Variants in LPP observed in about 807,000 individuals in gnomAD.
LPP encodes the protein lipoma-preferred partner.
A neutral mutation model predicts 60.4 loss-of-function variants in LPP; 38 were observed. The ratio of observed to expected loss-of-function variants is 0.63; its 90% confidence interval spans 0.49 to 0.83. LPP has a LOEUF of 0.83. LPP is among the 40% of genes least tolerant of loss of function. LPP has a pLI of 0.00. For synonymous variants in LPP, 328 were observed against 290.8 expected (o/e 1.13, Z -1.30); for missense variants, 902 against 783.6 (o/e 1.15, Z -1.80).
At chr3:188,223,704 G>C (rs1223098346) in intron 1 of LPP, among the ~76,000 whole-genome samples, 1 of 152,180 alleles carries the variant, frequency 6.6e-6, no homozygotes, top group Admixed American at 6.5e-5. Context: ...CTTTGCTGCT[G>C]TTGTAGAAAC....
At chr3:188,708,742 C>T (rs1423192159) in intron 8 of LPP, 1 of 352,488 alleles carries the variant, frequency 2.8e-6, no homozygotes. Flanking sequence ...CCTGCAGTCC[C>T]AGCTACTCAG....
In LPP at chr3:188,163,504, C is replaced by T. The variant is rs140520934; in HGVS notation, c.-190+9252C>T. On this transcript the variant is annotated intron_variant, in intron 1 of 11. Transcript: ENST00000617246. Reference sequence around the variant, plus strand: ...TTTTACTCTCATAGGTGTCCTGATTCGGAGGATACGTTATATGGTCACCCT... The same window carrying T: ...TTTTACTCTCATAGGTGTCCTGATTTGGAGGATACGTTATATGGTCACCCT... Among the ~76,000 whole-genome samples, 763 of 152,184 alleles carry T rather than the reference C, an allele frequency of 5.0e-3. 9 individuals are homozygous for T. The highest frequency in any genetic ancestry group is 0.017 in the African/African-American group (713 of 41,508).
chr3:188,333,394 T>C (rs1313074396), intron 2 of LPP, among the ~76,000 whole-genome samples: 1 of 152,232 alleles, frequency 6.6e-6, no homozygotes, highest in East Asian at 1.9e-4. Context: ...ACTCTGTGCC[T>C]TAGCTTTGTC....
chr3:188,763,286 T>C (rs1423347730), intron 9 of LPP, among the ~76,000 whole-genome samples: 1 of 151,924 alleles, frequency 6.6e-6, no homozygotes, highest in Non-Finnish European at 1.5e-5. Flanking sequence ...ATGAGAATAT[T>C]CAAGATAGTG....
intron 9 of LPP, among the ~76,000 whole-genome samples, chr3:188,839,723 C>G (rs773438335): frequency 2.0e-5 from 3 of 151,574 alleles, no homozygotes; most frequent in Non-Finnish European, 4.4e-5. Flanking sequence ...AAAAAAAATA[C>G]AAAAATTAAC....
chr3:188,763,749 T>C (rs904282486), intron 9 of LPP, among the ~76,000 whole-genome samples: 3 of 152,156 alleles, frequency 2.0e-5, no homozygotes, highest in African/African-American at 7.2e-5. Flanking sequence ...TCAAAATGTA[T>C]TGTGTGTTTT....
Position 188,282,094 on chromosome 3 carries a change from C to G in LPP, c.-67+56567C>G, listed in dbSNP as rs550533150. Among the ~76,000 whole-genome samples, 3 of 151,950 alleles carry G rather than the reference C, an allele frequency of 2.0e-5. No homozygotes were observed. In the South Asian group the frequency reaches 6.2e-4, roughly 32 times the overall value. On this transcript the variant is annotated intron_variant, in intron 2 of 11. Coordinates refer to ENST00000617246, the MANE Select transcript of LPP (RefSeq NM_001375462.1). ...CTTCCCTTATATTCTGTTTTCTTACCGTTCGTCTCCTTTTCTCTCTCCTTC... is the reference window on the plus strand; with the variant it reads ...CTTCCCTTATATTCTGTTTTCTTACGGTTCGTCTCCTTTTCTCTCTCCTTC...
chr3:188,786,552 G>A (rs533043491), intron 9 of LPP, among the ~76,000 whole-genome samples: 1 of 152,222 alleles, frequency 6.6e-6, no homozygotes, highest in Non-Finnish European at 1.5e-5. Flanking sequence ...CAACTACCAT[G>A]TGACCCAGCA....
At chr3:188,491,023 G>A (rs1279066706) in intron 5 of LPP, among the ~76,000 whole-genome samples, 1 of 152,068 alleles carries the variant, frequency 6.6e-6, no homozygotes, top group Non-Finnish European at 1.5e-5. Flanking sequence ...AGCCTCCCAA[G>A]TGCTGGGATT....
chr3:188,632,718 A>G lies in LPP; in HGVS notation c.1113+22874A>G, dbSNP rs115533850. ...AGGGCTTACGTTAACTGTTTTCACT[A>G]AGACTCTACGTTTCAATACTAACAC... On this transcript the variant is annotated intron_variant, in intron 7 of 11. Coordinates refer to ENST00000617246, the MANE Select transcript of LPP (RefSeq NM_001375462.1). Among the ~76,000 whole-genome samples, 864 of 152,300 alleles carry G rather than the reference A, an allele frequency of 5.7e-3. 7 individuals carry two copies. Among genetic ancestry groups the G allele is most frequent in the African/African-American group, 0.02 (832 of 41,554 alleles).
At chr3:188,339,486 C>T (rs188678196) in intron 2 of LPP, among the ~76,000 whole-genome samples, 164 of 152,302 alleles carry the variant, frequency 1.1e-3, no homozygotes, top group Admixed American at 1.4e-3. Context: ...TTAATTGACT[C>T]ACAGTTCCAC....
intron 1 of LPP, among the ~76,000 whole-genome samples, chr3:188,218,525 C>T (rs1714537811): frequency 6.6e-6 from 1 of 152,202 alleles, no homozygotes; most frequent in African/African-American, 2.4e-5. Flanking sequence ...TTCTCATGCG[C>T]CCCTCTTGCA....
intron 9 of LPP, among the ~76,000 whole-genome samples, chr3:188,798,507 C>G (rs949207840): frequency 6.6e-6 from 1 of 152,212 alleles, no homozygotes; most frequent in African/African-American, 2.4e-5. Flanking sequence ...TCAGTCTCAA[C>G]ATCCTAAGTT....
chr3:188,782,544 A>G (rs1314278519), intron 9 of LPP, among the ~76,000 whole-genome samples: 2 of 152,128 alleles, frequency 1.3e-5, no homozygotes, highest in African/African-American at 4.8e-5. Context: ...GCCTCCTAAG[A>G]TATGTTTAAT....
chr3:188,286,835 A>T (rs1744087559), intron 2 of LPP, among the ~76,000 whole-genome samples: 1 of 152,228 alleles, frequency 6.6e-6, no homozygotes, highest in African/African-American at 2.4e-5. Context: ...AATCGAGGAC[A>T]CATTAATAGT....
chr3:188,447,194 C>T (rs1795423244), intron 4 of LPP, among the ~76,000 whole-genome samples: 1 of 152,194 alleles, frequency 6.6e-6, no homozygotes, highest in Non-Finnish European at 1.5e-5. Flanking sequence ...ACTTGAGAGA[C>T]TCTGATTTCA....
At chr3:188,211,710 C>T (rs1047242351) in intron 1 of LPP, among the ~76,000 whole-genome samples, 4 of 152,198 alleles carry the variant, frequency 2.6e-5, no homozygotes, top group African/African-American at 9.6e-5. Context: ...TGGTTTTATT[C>T]TGAGTCTTCC....
At chr3:188,689,917 A>ATTT (rs35411155) in intron 7 of LPP, among the ~76,000 whole-genome samples, 28 of 147,648 alleles carry the variant, frequency 1.9e-4, no homozygotes, top group African/African-American at 7.0e-4. Flanking sequence ...TTCTGAGCTC[A>ATTT]TTTTTTTTTT....
At chr3:188,814,406 T>C (rs1751913065) in intron 9 of LPP, among the ~76,000 whole-genome samples, 1 of 152,182 alleles carries the variant, frequency 6.6e-6, no homozygotes, top group Admixed American at 6.5e-5. Flanking sequence ...TAGGAATAAA[T>C]GTTAAATCTC....
Sources: gnomAD v4.1 joint callset for allele counts (sites outside exome capture counted in the v4.1 genomes callset) on GRCh38, gnomAD v4.1.1 for gene constraint, MANE v1.5 for transcripts, NCBI Gene and HGNC (gene_info 2026-07-23, HGNC 2026-07-21) for gene names.